RPRD2: variants seen among roughly 807,000 people sequenced by gnomAD.
RPRD2 encodes the protein regulation of nuclear pre-mRNA domain containing 2, also known as regulation of nuclear pre-mRNA domain-containing protein 2.
In RPRD2, 12 loss-of-function variants were observed where a neutral mutation model predicts 104.4. The ratio of observed to expected loss-of-function variants is 0.11; its 90% confidence interval spans 0.07 to 0.19. The LOEUF is 0.19. Ranked by LOEUF, RPRD2 falls within the 10% of genes least tolerant of loss-of-function variation. The pLI, the probability that RPRD2 is intolerant of heterozygous loss-of-function variation, is 1.00. For missense variants in RPRD2, 1,543 were observed against 1,790.1 expected (o/e 0.86, Z 2.49); for synonymous variants, 714 against 684.9 (o/e 1.04, Z -0.66).
intron 1 of RPRD2, among the ~76,000 whole-genome samples, chr1:150,406,263 G>T (rs1379625417): frequency 1.3e-5 from 2 of 152,156 alleles, no homozygotes; most frequent in Non-Finnish European, 2.9e-5. Flanking sequence ...GTTCTGTACT[G>T]TCTGGTTTCA....
At chr1:150,390,634 A>G (rs1661996418) in intron 1 of RPRD2, among the ~76,000 whole-genome samples, 1 of 152,238 alleles carries the variant, frequency 6.6e-6, no homozygotes, top group Non-Finnish European at 1.5e-5. Context: ...AATGTTAGAA[A>G]TAAAAGTATA....
intron 1 of RPRD2, among the ~76,000 whole-genome samples, chr1:150,369,780 T>C (rs587764205): frequency 3.2e-4 from 44 of 138,056 alleles, no homozygotes; most frequent in African/African-American, 8.7e-4. Flanking sequence ...TTTTTATGTT[T>C]TTGTTTTTGT....
At chr1:150,404,076 A>G (rs782316362) in intron 1 of RPRD2, among the ~76,000 whole-genome samples, 3 of 152,116 alleles carry the variant, frequency 2.0e-5, no homozygotes, top group East Asian at 3.9e-4. Flanking sequence ...TATTAACCCT[A>G]TTGACTCCAG....
At position 150,382,156 on chromosome 1, in the gene RPRD2, G is replaced by A. The variant is rs114101730; in HGVS notation, c.205+17237G>A. On this transcript the variant is annotated intron_variant, in intron 1 of 10. Coordinates refer to ENST00000369068, the MANE Select transcript of RPRD2 (RefSeq NM_015203.5). ...TTTAAATTCTTCCGATTAATCCTGCGTACTCTATGTGAAATGTTTATTAAG... is the reference window on the plus strand; with the variant it reads ...TTTAAATTCTTCCGATTAATCCTGCATACTCTATGTGAAATGTTTATTAAG... 1.5e-3 allele frequency among the ~76,000 whole-genome samples: 230 copies of A among 152,168 alleles called. 1 individual carries two copies. The highest frequency in any genetic ancestry group is 3.8e-3 in the Admixed American group (58 of 15,284).
intron 1 of RPRD2, among the ~76,000 whole-genome samples, chr1:150,383,469 A>C (rs1032533814): frequency 2.0e-5 from 3 of 151,852 alleles, no homozygotes; most frequent in Non-Finnish European, 4.4e-5. Flanking sequence ...TGCGCGTGCC[A>C]CCACGCCCAG....
intron 6 of RPRD2, 140 bp downstream of exon 6, chr1:150,444,517 T>C: frequency 1.4e-6 from 1 of 725,272 alleles, no homozygotes; most frequent in Non-Finnish European, 2.2e-6. Context: ...AGGTAGTTAT[T>C]TCATGCATAT....
intron 1 of RPRD2, among the ~76,000 whole-genome samples, chr1:150,409,363 C>G (rs1449283113): frequency 6.6e-6 from 1 of 152,096 alleles, no homozygotes; most frequent in African/African-American, 2.4e-5. Context: ...GAATAGAGGA[C>G]TACTCTATTT....
rs184026046 is a variant in RPRD2, at chr1:150,417,058, A to G, written c.206-538A>G. Among the ~76,000 whole-genome samples the G allele has an allele frequency of 1.3e-3, 202 of 152,244 alleles. 1 individual carries two copies. The highest frequency in any genetic ancestry group is 2.4e-3 in the Non-Finnish European group (164 of 68,014). On this transcript the variant is annotated intron_variant, in intron 1 of 10. Transcript: ENST00000369068. ...GGATTGGTTGATGGGGAGAGGGTCT[A>G]TCTGTAATAAATGTTAAGCAATTTG...
intron 1 of RPRD2, among the ~76,000 whole-genome samples, chr1:150,391,932 C>G (rs587622810): frequency 1.3e-5 from 2 of 151,068 alleles, no homozygotes; most frequent in South Asian, 2.1e-4. Context: ...AAAAAAAGGA[C>G]AAAACTATCT....
At position 150,471,689 on chromosome 1, in the gene RPRD2, G is replaced by C. The variant is rs766074218; in HGVS notation, c.2741G>C (p.Gly914Ala). ...DRLSSSPGLF[G>A]AFSVRGNEPG... ...CTCTCATCTTCCCCTGGGCTATTTG[G>C]TGCCTTCAGCGTAAGAGGGAATGAA... The change falls in exon 11 of 11, where the codon GGT becomes GCT. Residue 914 changes from glycine to alanine, a missense_variant. Coordinates refer to ENST00000369068, the MANE Select transcript of RPRD2 (RefSeq NM_015203.5). This position sits in a 1 kb window ranked among gnomAD's most constrained non-coding sequence, Gnocchi z 5.3. 34 of 1,613,666 alleles carry C rather than the reference G, an allele frequency of 2.1e-5. No homozygotes were observed. Among genetic ancestry groups the C allele is most frequent in the African/African-American group, 2.7e-5 (2 of 74,842 alleles).
chr1:150,432,175 T>TAAAA (rs59749202), intron 2 of RPRD2, among the ~76,000 whole-genome samples: 1 of 131,178 alleles, frequency 7.6e-6, no homozygotes, highest in African/African-American at 2.9e-5. Flanking sequence ...CCCTAAATCT[T>TAAAA]AAAAAAAAAA....
intron 2 of RPRD2, among the ~76,000 whole-genome samples, chr1:150,422,150 C>T (rs1158338815): frequency 7.1e-6 from 1 of 141,224 alleles, no homozygotes; most frequent in African/African-American, 2.7e-5. Context: ...CACAGTGAAA[C>T]CCCGTCTCTA....
At chr1:150,391,168 T>A (rs1662036173) in intron 1 of RPRD2, among the ~76,000 whole-genome samples, 1 of 152,138 alleles carries the variant, frequency 6.6e-6, no homozygotes, top group African/African-American at 2.4e-5. Context: ...GAATAAAATA[T>A]TCAAAGTGCA....
intron 1 of RPRD2, among the ~76,000 whole-genome samples, chr1:150,367,197 C>A (rs1553877287): frequency 1.3e-5 from 2 of 152,016 alleles, no homozygotes; most frequent in Non-Finnish European, 2.9e-5. Context: ...TAATTTTAGT[C>A]GTTTTGTATT....
At chr1:150,452,141 C>CAAAA (rs34342843) in intron 7 of RPRD2, among the ~76,000 whole-genome samples, 3 of 110,924 alleles carry the variant, frequency 2.7e-5, no homozygotes, top group Admixed American at 1.1e-4. Flanking sequence ...GACTCTGTCT[C>CAAAA]AAAAAAAAAA....
intron 2 of RPRD2, among the ~76,000 whole-genome samples, chr1:150,427,139 A>G (rs1390852978): frequency 6.6e-6 from 1 of 150,844 alleles, no homozygotes; most frequent in African/African-American, 2.4e-5. Flanking sequence ...AGTGAGACTG[A>G]GTCTCAATAA....
At chr1:150,444,558 T>C (rs1197399155) in intron 6 of RPRD2, among the ~76,000 whole-genome samples, 181 bp downstream of exon 6, 1 of 152,216 alleles carries the variant, frequency 6.6e-6, no homozygotes, top group Non-Finnish European at 1.5e-5. Flanking sequence ...GTTGTTCTCA[T>C]TTCTAGTACT....
chr1:150,466,208 C>G (rs1231537940), intron 10 of RPRD2, among the ~76,000 whole-genome samples: 1 of 151,358 alleles, frequency 6.6e-6, no homozygotes, highest in Non-Finnish European at 1.5e-5. Flanking sequence ...GAAACCCCGA[C>G]TCTACTAAAA....
At chr1:150,431,746 G>T (rs986500656) in intron 2 of RPRD2, among the ~76,000 whole-genome samples, 3 of 151,992 alleles carry the variant, frequency 2.0e-5, no homozygotes, top group Non-Finnish European at 4.4e-5. Flanking sequence ...CTCCCAAAGT[G>T]CTGGGATTAC....
Sources: allele counts gnomAD v4.1 joint callset (sites outside exome capture counted in the v4.1 genomes callset), GRCh38; gene constraint gnomAD v4.1.1; non-coding constraint Gnocchi (gnomAD v3.1); transcripts MANE v1.5; gene names NCBI Gene and HGNC (gene_info 2026-07-23, HGNC 2026-07-21).